TYR: variants seen among roughly 807,000 people sequenced by gnomAD.
The protein encoded by TYR is LB24-AB.
A neutral mutation model predicts 51.5 loss-of-function variants in TYR; 58 were observed. The ratio of observed to expected loss-of-function variants is 1.13; its 90% confidence interval spans 0.91 to 1.40. The LOEUF (loss-of-function observed/expected upper bound fraction) is 1.40, where lower values mean the gene tolerates loss of function less well. Ranked by LOEUF, TYR falls within the 40% of genes most tolerant of loss-of-function variation. TYR has a pLI of 0.00. For synonymous variants in TYR, 263 were observed against 235.2 expected, an observed-to-expected ratio of 1.12 and a Z score of -1.08; for missense variants, 732 against 647.4, an observed-to-expected ratio of 1.13 and a Z score of -1.42.
At chr11:89,236,716 G>A (rs967254770) in intron 3 of TYR, among the ~76,000 whole-genome samples, 1 of 152,108 alleles carries the variant, frequency 6.6e-6, no homozygotes, top group Non-Finnish European at 1.5e-5. Context: ...ATATTTATTG[G>A]CAAACTATGT....
intron 3 of TYR, among the ~76,000 whole-genome samples, chr11:89,272,073 CCA>C (rs1343836346): frequency 1.3e-5 from 2 of 151,834 alleles, no homozygotes; most frequent in Admixed American, 1.3e-4. Context: ...TCACCTTCTT[CCA>C]CACTCTATGA....
At chr11:89,248,552 G>C (rs578135327) in intron 3 of TYR, among the ~76,000 whole-genome samples, 1 of 152,240 alleles carries the variant, frequency 6.6e-6, no homozygotes, top group South Asian at 2.1e-4. Flanking sequence ...TTGGAAAGGA[G>C]ACTAGAAAAG....
At chr11:89,181,581 T>A (rs943028368) in intron 1 of TYR, among the ~76,000 whole-genome samples, 3 of 152,182 alleles carry the variant, frequency 2.0e-5, no homozygotes, top group Non-Finnish European at 2.9e-5. Context: ...TGATGCACCT[T>A]TCACATAAAG....
intron 1 of TYR, among the ~76,000 whole-genome samples, chr11:89,189,463 CAAT>C (rs1282867430): frequency 6.6e-6 from 1 of 151,034 alleles, no homozygotes; most frequent in Non-Finnish European, 1.5e-5. Flanking sequence ...AAAAAAGGGA[CAAT>C]AATAGGATAT....
chr11:89,232,140 A>T (rs1267268795), intron 3 of TYR, among the ~76,000 whole-genome samples: 1 of 143,756 alleles, frequency 7.0e-6, no homozygotes, highest in African/African-American at 2.7e-5. Flanking sequence ...AAGTAATGCA[A>T]TGTTAATTAG....
intron 4 of TYR, among the ~76,000 whole-genome samples, chr11:89,288,205 A>T (rs1944814534): frequency 6.6e-6 from 1 of 151,972 alleles, no homozygotes; most frequent in Non-Finnish European, 1.5e-5. Flanking sequence ...CATATAAATT[A>T]TTGACTCAGC....
chr11:89,204,549 C>G (rs1336736504), intron 2 of TYR, among the ~76,000 whole-genome samples: 1 of 151,848 alleles, frequency 6.6e-6, no homozygotes, highest in East Asian at 1.9e-4. Flanking sequence ...TGCCCACCAA[C>G]AAGCCCGGCT....
intron 3 of TYR, among the ~76,000 whole-genome samples, chr11:89,233,179 T>C (rs1444102050): frequency 7.0e-6 from 1 of 143,454 alleles, no homozygotes; most frequent in Non-Finnish European, 1.5e-5. Flanking sequence ...CACAGTATCT[T>C]CACCAGGAGT....
chr11:89,203,998 G>A (rs1168036842), intron 2 of TYR, among the ~76,000 whole-genome samples: 2 of 152,218 alleles, frequency 1.3e-5, no homozygotes, highest in African/African-American at 4.8e-5. Context: ...GGTGATGTAA[G>A]AGAAGGCTCA....
At chr11:89,238,123 C>T (rs1361968593) in intron 3 of TYR, among the ~76,000 whole-genome samples, 2 of 152,256 alleles carry the variant, frequency 1.3e-5, no homozygotes, top group African/African-American at 2.4e-5. Context: ...TCTTGAGCCA[C>T]TGCTCCCAGC....
chr11:89,280,521 A>G (rs1011984388), intron 3 of TYR, among the ~76,000 whole-genome samples: 1 of 151,234 alleles, frequency 6.6e-6, no homozygotes, highest in African/African-American at 2.4e-5. Context: ...TACATTATTC[A>G]TGATTTTCTG....
chr11:89,290,819 G>A (rs1345561534), intron 4 of TYR, among the ~76,000 whole-genome samples: 3 of 151,926 alleles, frequency 2.0e-5, no homozygotes, highest in Admixed American at 6.6e-5. Flanking sequence ...TTTCTGCTAT[G>A]TCAAAAAGTA....
At chr11:89,183,271 T>TC (rs1165643487) in intron 1 of TYR, among the ~76,000 whole-genome samples, 2 of 151,592 alleles carry the variant, frequency 1.3e-5, no homozygotes, top group African/African-American at 4.8e-5. Context: ...CACTTGATCG[T>TC]CCCCCCAGCA....
At chr11:89,280,390 C>T (rs1237650042) in intron 3 of TYR, among the ~76,000 whole-genome samples, 5 of 151,430 alleles carry the variant, frequency 3.3e-5, no homozygotes, top group Non-Finnish European at 5.9e-5. Flanking sequence ...CTAACCTAGC[C>T]TCAAGCTCAC....
At chr11:89,275,800 T>G (rs572520033) in intron 3 of TYR, among the ~76,000 whole-genome samples, 1 of 151,944 alleles carries the variant, frequency 6.6e-6, no homozygotes, top group East Asian at 2.0e-4. Context: ...GAACATGGTT[T>G]GAACAGCTGG....
chr11:89,222,352 A>T (rs1943922993), intron 2 of TYR, among the ~76,000 whole-genome samples: 1 of 152,164 alleles, frequency 6.6e-6, no homozygotes, highest in African/African-American at 2.4e-5. Context: ...TAGGTATGAG[A>T]GCTAAGCATC....
intron 3 of TYR, among the ~76,000 whole-genome samples, chr11:89,234,923 C>G (rs1281471356): frequency 6.6e-6 from 1 of 151,244 alleles, no homozygotes. Flanking sequence ...ACACACTTGC[C>G]AAACACCAGG....
chr11:89,249,716 A>C (rs1944309616), intron 3 of TYR, among the ~76,000 whole-genome samples: 1 of 152,098 alleles, frequency 6.6e-6, no homozygotes, highest in African/African-American at 2.4e-5. Context: ...GAGGATATGA[A>C]CAAGAAAGGA....
chr11:89,220,006 C>A (rs552425304), intron 2 of TYR, among the ~76,000 whole-genome samples: 2 of 152,126 alleles, frequency 1.3e-5, no homozygotes, highest in African/African-American at 4.8e-5. Flanking sequence ...TTTATATCAA[C>A]TGAAAGAATG....
Sources: gnomAD v4.1 joint callset for allele counts (sites outside exome capture counted in the v4.1 genomes callset) on GRCh38, gnomAD v4.1.1 for gene constraint, MANE v1.5 for transcripts, NCBI Gene and HGNC (gene_info 2026-07-23, HGNC 2026-07-21) for gene names.